The following SH3RF3 variants were observed in gnomAD, a reference collection of about 807,000 sequenced individuals.
SH3RF3 encodes E3 ubiquitin-protein ligase SH3RF3.
A neutral mutation model predicts 66.3 loss-of-function variants in SH3RF3; 29 were observed. The ratio of observed to expected loss-of-function variants is 0.44; its 90% CI spans 0.33 to 0.60. The LOEUF is 0.60. Among genes scored for constraint, SH3RF3 ranks in the 20% least tolerant of loss-of-function variants. The pLI is 0.04. For synonymous variants in SH3RF3, 583 were observed against 532.0 expected (o/e 1.10, Z -1.32); for missense variants, 1,194 against 1,190.9 (o/e 1.00, Z -0.04).
At chr2:109,228,384 T>C (rs1679423480) in intron 1 of SH3RF3, among the ~76,000 whole-genome samples, 1 of 152,202 alleles carries the variant, frequency 6.6e-6, no homozygotes, top group African/African-American at 2.4e-5. Flanking sequence ...TGTCACCCTG[T>C]AGAGGAAAAC....
intron 2 of SH3RF3, among the ~76,000 whole-genome samples, chr2:109,363,008 T>C (rs1211142882): frequency 6.6e-6 from 1 of 152,214 alleles, no homozygotes; most frequent in Admixed American, 6.5e-5. Context: ...TTTTATTTTA[T>C]CAACTTAAAA....
At chr2:109,490,016 G>T (rs1264493080) in intron 8 of SH3RF3, among the ~76,000 whole-genome samples, 1 of 152,164 alleles carries the variant, frequency 6.6e-6, no homozygotes, top group Non-Finnish European at 1.5e-5. Context: ...GAGATTACAG[G>T]CATGAGCCAC....
At chr2:109,451,510 A>G (rs186412126) in intron 8 of SH3RF3, among the ~76,000 whole-genome samples, 1 of 152,276 alleles carries the variant, frequency 6.6e-6, no homozygotes, top group East Asian at 1.9e-4. Context: ...CAATAATACC[A>G]TTGCTGAGTG....
chr2:109,180,511 ACT>A (rs2104981690), intron 1 of SH3RF3, among the ~76,000 whole-genome samples: 1 of 152,062 alleles, frequency 6.6e-6, no homozygotes, highest in South Asian at 2.1e-4. Flanking sequence ...CTTGAATTGT[ACT>A]CTCATAATTC....
chr2:109,454,194 C>G (rs1677970686), intron 8 of SH3RF3, among the ~76,000 whole-genome samples: 2 of 152,168 alleles, frequency 1.3e-5, no homozygotes, highest in Non-Finnish European at 2.9e-5. Context: ...GGAGGAAATA[C>G]TTACAACAAT....
intron 1 of SH3RF3, among the ~76,000 whole-genome samples, chr2:109,169,019 A>C (rs769834728): frequency 6.6e-6 from 1 of 152,206 alleles, no homozygotes; most frequent in Non-Finnish European, 1.5e-5. Context: ...TTTGCCTAAC[A>C]GGACTCTCCC....
intron 1 of SH3RF3, among the ~76,000 whole-genome samples, chr2:109,316,772 C>T (rs1321822851): frequency 6.6e-6 from 1 of 152,176 alleles, no homozygotes; most frequent in East Asian, 1.9e-4. Context: ...AGTACTTTCC[C>T]TGCCCTTAAA....
intron 1 of SH3RF3, among the ~76,000 whole-genome samples, chr2:109,333,787 C>CT (rs1682341213): frequency 6.6e-6 from 1 of 152,154 alleles, no homozygotes; most frequent in African/African-American, 2.4e-5. Context: ...CTCTGTGTGA[C>CT]TTAGTTTCCT....
At chr2:109,411,258 C>G (rs1676581614) in intron 4 of SH3RF3, among the ~76,000 whole-genome samples, 1 of 152,230 alleles carries the variant, frequency 6.6e-6, no homozygotes. Context: ...TTGCAGGATG[C>G]TGGCCGTGTG....
intron 1 of SH3RF3, among the ~76,000 whole-genome samples, chr2:109,301,129 A>G (rs1437482553): frequency 6.6e-6 from 1 of 152,224 alleles, no homozygotes; most frequent in Non-Finnish European, 1.5e-5. Context: ...ATAGAAGGCC[A>G]GCTCACTAGC....
At chr2:109,160,782 C>T (rs959201641) in intron 1 of SH3RF3, among the ~76,000 whole-genome samples, 3 of 152,130 alleles carry the variant, frequency 2.0e-5, no homozygotes, top group African/African-American at 7.2e-5. Context: ...GTGAACATCC[C>T]CAGGGGCTGA....
At position 109,216,185 on chromosome 2, in the gene SH3RF3, C is replaced by T. The variant is rs1195584562; in HGVS notation, c.573+86072C>T. 3.9e-5 allele frequency among the ~76,000 whole-genome samples: 6 copies of T among 152,152 alleles called. No homozygotes were observed. In the East Asian group the frequency reaches 1.2e-3, roughly 29 times the overall value. ...GTCGGGAGAGAGAGTGAACTGGGAT[C>T]CACTAGGCACCTGCCCATCATTGCA... is the stretch of plus-strand genomic sequence containing the variant. On this transcript the variant is annotated intron_variant, in intron 1 of 9. Coordinates refer to ENST00000309415, the MANE Select transcript of SH3RF3 (RefSeq NM_001099289.3).
intron 1 of SH3RF3, among the ~76,000 whole-genome samples, chr2:109,150,095 G>A (rs1290387400): frequency 6.6e-6 from 1 of 152,196 alleles, no homozygotes; most frequent in East Asian, 1.9e-4. Flanking sequence ...GGGGTGAGCA[G>A]CACTGATCTA....
At chr2:109,497,990 A>C (rs28410095) in intron 9 of SH3RF3, among the ~76,000 whole-genome samples, 2 of 151,960 alleles carry the variant, frequency 1.3e-5, no homozygotes, top group African/African-American at 4.8e-5. Flanking sequence ...GATGGCGCTG[A>C]TCCTGTGGGC....
At chr2:109,334,126 A>G (rs984545281) in intron 1 of SH3RF3, among the ~76,000 whole-genome samples, 1 of 152,186 alleles carries the variant, frequency 6.6e-6, no homozygotes, top group African/African-American at 2.4e-5. Context: ...TGGGAGGCCA[A>G]AGTGGGAGGA....
chr2:109,448,667 A>G (rs1467470952), intron 7 of SH3RF3, among the ~76,000 whole-genome samples: 1 of 152,164 alleles, frequency 6.6e-6, no homozygotes, highest in African/African-American at 2.4e-5. Flanking sequence ...TACTGATTCT[A>G]TGTTATGGTG....
At chr2:109,240,077 G>A (rs1679743017) in intron 1 of SH3RF3, among the ~76,000 whole-genome samples, 1 of 152,192 alleles carries the variant, frequency 6.6e-6, no homozygotes, top group Admixed American at 6.5e-5. Flanking sequence ...TCTTATGTGA[G>A]TGAAGGCTGT....
At chr2:109,278,402 A>G (rs929658876) in intron 1 of SH3RF3, among the ~76,000 whole-genome samples, 10 of 152,162 alleles carry the variant, frequency 6.6e-5, no homozygotes, top group African/African-American at 1.4e-4. Context: ...TTCTGAAGGA[A>G]TGGGATAATT....
At chr2:109,229,240 A>G (rs980501187) in intron 1 of SH3RF3, among the ~76,000 whole-genome samples, 1 of 152,160 alleles carries the variant, frequency 6.6e-6, no homozygotes, top group Non-Finnish European at 1.5e-5. Context: ...CCTTTTTAGT[A>G]CACTTCTTAT....
Sources: allele counts gnomAD v4.1 joint callset (sites outside exome capture counted in the v4.1 genomes callset), GRCh38; gene constraint gnomAD v4.1.1; transcripts MANE v1.5; gene names NCBI Gene and HGNC (gene_info 2026-07-23, HGNC 2026-07-21).